Variants in MTMR9 observed in about 807,000 individuals in gnomAD.
The protein encoded by MTMR9 is myotubularin related protein 9.
MTMR9 carries 39 observed loss-of-function variants against 69.5 expected under a neutral mutation model. That is an observed-to-expected ratio of 0.56 (90% confidence interval 0.43 to 0.73). The LOEUF (loss-of-function observed/expected upper bound fraction) is 0.73. MTMR9 is among the 30% of genes least tolerant of loss of function. The pLI is 0.00. For synonymous variants in MTMR9, 354 were observed against 240.8 expected, an observed-to-expected ratio of 1.47 and a Z score of -4.35; for missense variants, 900 against 671.2, an observed-to-expected ratio of 1.34 and a Z score of -3.77.
chr8:11,319,586 A>T (rs76179315), intron 8 of MTMR9, 101 bp from the exon 9 acceptor site: 3 of 1,244,856 alleles, frequency 2.4e-6, no homozygotes, highest in South Asian at 2.6e-5. Flanking sequence ...CTTGTATTCT[A>T]TCTTCTTTCA....
chr8:11,297,559 G>C (rs1395436436), intron 2 of MTMR9, among the ~76,000 whole-genome samples: 1 of 151,434 alleles, frequency 6.6e-6, no homozygotes, highest in African/African-American at 2.4e-5. Context: ...TAGGAGATTG[G>C]ATTTTCACTG....
At chr8:11,298,715 G>C (rs73205349) in intron 2 of MTMR9, 5 of 865,248 alleles carry the variant, frequency 5.8e-6, no homozygotes, top group African/African-American at 4.3e-5. Flanking sequence ...TCCTTTCCCC[G>C]CTGCACCCCC....
At chr8:11,296,024 C>A (rs887050189) in intron 2 of MTMR9, among the ~76,000 whole-genome samples, 3 of 151,900 alleles carry the variant, frequency 2.0e-5, no homozygotes, top group Admixed American at 2.0e-4. Flanking sequence ...ACTAGTATAT[C>A]TTTTGTAATA....
Position 11,322,935 on chromosome 8 carries a change from T to C in MTMR9, c.*147T>C. The C allele has an allele frequency of 3.6e-6, 2 of 561,838 alleles. No homozygotes were observed. The highest frequency in any genetic ancestry group is 5.9e-6 in the Non-Finnish European group (2 of 339,718). The allele number at this position is 561,838 out of a possible 1,614,324, so 34.8% of individuals were successfully genotyped here. On this transcript the variant is annotated 3_prime_UTR_variant, in exon 10 of 10. Coordinates refer to ENST00000221086, the MANE Select transcript of MTMR9 (RefSeq NM_015458.4). Reference sequence around the variant, plus strand: ...CCTAATGTAATGGATTTCTCAATACTGTATGAATAATGAAACTTACTATCA... The same window carrying C: ...CCTAATGTAATGGATTTCTCAATACCGTATGAATAATGAAACTTACTATCA...
chr8:11,305,867 T>C (rs2117407244), intron 4 of MTMR9, among the ~76,000 whole-genome samples: 1 of 152,336 alleles, frequency 6.6e-6, no homozygotes, highest in East Asian at 1.9e-4. Flanking sequence ...CATAGGCCAT[T>C]ATTGTCTTTA....
downstream of MTMR9, chr8:11,330,926 A>G (rs1407944265): frequency 7.7e-6 from 4 of 517,296 alleles, no homozygotes; most frequent in Admixed American, 8.7e-5. Context: ...AAAAAAAAAA[A>G]AAGAAAGAAA....
At chr8:11,288,013 A>T (rs568132036) in intron 1 of MTMR9, among the ~76,000 whole-genome samples, 1 of 125,124 alleles carries the variant, frequency 8.0e-6, no homozygotes, top group African/African-American at 3.0e-5. Flanking sequence ...TACATAGTAT[A>T]TAATACGTAT....
intron 6 of MTMR9, among the ~76,000 whole-genome samples, chr8:11,312,313 G>T (rs996062726): frequency 6.6e-6 from 1 of 151,818 alleles, no homozygotes; most frequent in Non-Finnish European, 1.5e-5. Flanking sequence ...GCCTCCCAAA[G>T]TGCTGAGATT....
At chr8:11,301,838 A>G (rs916692328) in intron 3 of MTMR9, among the ~76,000 whole-genome samples, 3 of 152,254 alleles carry the variant, frequency 2.0e-5, no homozygotes, top group Admixed American at 6.5e-5. Flanking sequence ...GATTTGAAAT[A>G]TAGATCCGAA....
In MTMR9 at chr8:11,322,816, C is replaced by T; in HGVS notation, c.*28C>T. Reference sequence around the variant, plus strand: ...GGTCTCCTCGCACCCTTCGCAAGGACCTTCTTGGGCCTGTGTCCGCCGTTC... The same window carrying T: ...GGTCTCCTCGCACCCTTCGCAAGGATCTTCTTGGGCCTGTGTCCGCCGTTC... On this transcript the variant is annotated 3_prime_UTR_variant, in exon 10 of 10. Coordinates refer to ENST00000221086, the MANE Select transcript of MTMR9 (RefSeq NM_015458.4). 6.3e-7 allele frequency: 1 copy of T among 1,591,478 alleles called. No homozygotes were observed.
chr8:11,301,463 T>C (rs1799745773), intron 3 of MTMR9, among the ~76,000 whole-genome samples: 1 of 152,212 alleles, frequency 6.6e-6, no homozygotes, highest in Admixed American at 6.5e-5. Context: ...GTAAAAAAGA[T>C]AAACCTAGAC....
intron 2 of MTMR9, among the ~76,000 whole-genome samples, chr8:11,297,493 C>A (rs1237880286): frequency 1.3e-5 from 2 of 150,922 alleles, no homozygotes; most frequent in African/African-American, 4.9e-5. Flanking sequence ...GAACATTACC[C>A]ACTTCCATTG....
At position 11,300,117 on chromosome 8, in the gene MTMR9, C is replaced by T; in HGVS notation, c.386C>T (p.Pro129Leu). 6.2e-7 allele frequency: 1 copy of T among 1,613,474 alleles called. No individual in the cohort carries two copies. The highest frequency in any genetic ancestry group is 1.1e-5 in the South Asian group (1 of 91,070). ...GAAGATGGCTGGCATTCCTTCCTTC[C>T]TGAGCAAGAATTTGAACTCTATTCT... is the stretch of plus-strand genomic sequence containing the variant. ...VIEDGWHSFLPEQEFELYSSA... is the reference protein window; with the variant it reads ...VIEDGWHSFLLEQEFELYSSA... Residue 129 changes from proline (P) to leucine (L), a missense_variant, in exon 3 of 10, where the codon CCT (proline) becomes CTT (leucine). By Grantham distance (98) the Pro-to-Leu change is moderately conservative. Coordinates refer to ENST00000221086, the MANE Select transcript of MTMR9 (RefSeq NM_015458.4).
chr8:11,299,288 C>G (rs1426508613), intron 2 of MTMR9, among the ~76,000 whole-genome samples: 4 of 152,170 alleles, frequency 2.6e-5, no homozygotes, highest in African/African-American at 9.7e-5. Flanking sequence ...CGAGATCGCG[C>G]CATTCTAGCC....
Position 11,314,975 on chromosome 8 carries a change from C to T in MTMR9, c.1024C>T (p.Gln342Ter). The change falls in exon 7 of 10, where the codon CAG (glutamine) becomes TAG (stop). Residue 342 changes from glutamine (Q) to a stop codon, truncating the protein, a stop_gained. Transcript: ENST00000221086. LOFTEE classifies it high-confidence loss of function. Reference protein sequence around the residue: ...HGTEGTDSTLQVTSLAQIILE... With the variant: ...HGTEGTDSTL Reference sequence around the variant, plus strand: ...AACAGAAGGAACTGATTCCACACTCCAGGTGACCTCCTTGGCCCAGATCAT... The same window carrying T: ...AACAGAAGGAACTGATTCCACACTCTAGGTGACCTCCTTGGCCCAGATCAT... 6.2e-7 allele frequency: 1 copy of T among 1,613,980 alleles called. No homozygotes were observed. Among genetic ancestry groups the T allele is most frequent in the Non-Finnish European group, 8.5e-7 (1 of 1,179,924 alleles).
chr8:11,306,072 C>A (rs1449171689), intron 4 of MTMR9, 118 bp from the exon 5 acceptor site: 4 of 763,186 alleles, frequency 5.2e-6, no homozygotes, highest in Admixed American at 5.0e-5. Context: ...GGATCAAATC[C>A]ATCTGCAGAG....
the MTMR9 span, among the ~76,000 whole-genome samples, chr8:11,336,870 G>C: frequency 6.6e-6 from 1 of 152,044 alleles, no homozygotes; most frequent in Non-Finnish European, 1.5e-5. Flanking sequence ...ATTTCCACTT[G>C]GGATGGATTG....
At chr8:11,318,769 CATTG>C (rs1230914068) in intron 8 of MTMR9, 4 of 152,136 alleles carry the variant, frequency 2.6e-5, no homozygotes, top group African/African-American at 9.7e-5. Flanking sequence ...TCAAGATTCA[CATTG>C]ATTTTTCATC....
At chr8:11,339,387 T>C in the MTMR9 span, among the ~76,000 whole-genome samples, 1 of 152,360 alleles carries the variant, frequency 6.6e-6, no homozygotes, top group East Asian at 1.9e-4. Flanking sequence ...TTAATAATTA[T>C]TCATTCTCTA....
Sources: allele counts gnomAD v4.1 joint callset (sites outside exome capture counted in the v4.1 genomes callset), GRCh38; gene constraint gnomAD v4.1.1; transcripts MANE v1.5; gene names NCBI Gene and HGNC (gene_info 2026-07-23, HGNC 2026-07-21).